ACP7: variants seen among roughly 807,000 people sequenced by gnomAD.
The protein encoded by ACP7 is acid phosphatase type 7.
A neutral mutation model predicts 60.6 loss-of-function variants in ACP7; 58 were observed. The ratio of observed to expected loss-of-function variants is 0.96; its 90% CI spans 0.77 to 1.19. The LOEUF is 1.19. Ranked by LOEUF, ACP7 falls within the 50% of genes most tolerant of loss-of-function variation. The pLI is 0.00. For synonymous variants in ACP7, 237 were observed against 232.6 expected (o/e 1.02, Z -0.17); for missense variants, 574 against 596.2 (o/e 0.96, Z 0.39).
At position 39,098,506 on chromosome 19, in the gene ACP7, G is replaced by C; in HGVS notation, c.170G>C (p.Arg57Pro). Residue 57 changes from arginine (R) to proline (P), a missense_variant, in exon 3 of 13, where the codon CGC becomes CCC. Arg to Pro is a moderately radical substitution (Grantham distance 103). Coordinates refer to ENST00000331256, the MANE Select transcript of ACP7 (RefSeq NM_001004318.3). ...TVTWTTWVPT[R>P]SEVQFGLQPS... ...ACTTGGACCACATGGGTCCCAACCCGCTCTGAAGTGCAATTCGGGTTGCAG... is the reference window on the plus strand; with the variant it reads ...ACTTGGACCACATGGGTCCCAACCCCCTCTGAAGTGCAATTCGGGTTGCAG... The C allele has an allele frequency of 6.2e-7, 1 of 1,602,396 alleles. No individual in the cohort carries two copies. Among genetic ancestry groups the C allele is most frequent in the Non-Finnish European group, 8.5e-7 (1 of 1,174,460 alleles).
Position 39,085,290 on chromosome 19 carries a change from C to T in ACP7, c.21C>T (p.Tyr7=), listed in dbSNP as rs757904667. ...CCACCATGCACCCCCTTCCTGGCTACTGGTCCTGTTACTGTCTACTCCTGC... is the reference window on the plus strand; with the variant it reads ...CCACCATGCACCCCCTTCCTGGCTATTGGTCCTGTTACTGTCTACTCCTGC... MHPLPG[Y]WSCYCLLLLF... The change falls in exon 2 of 13, where the codon TAC becomes TAT. Residue 7 remains tyrosine, a synonymous_variant. Transcript: ENST00000331256. 8 of 1,613,580 alleles carry T rather than the reference C, an allele frequency of 5.0e-6. No individual in the cohort carries two copies.
intron 2 of ACP7, among the ~76,000 whole-genome samples, chr19:39,089,120 G>A (rs2073176434): frequency 1.3e-5 from 2 of 151,954 alleles, no homozygotes; most frequent in Non-Finnish European, 2.9e-5. Context: ...GTAGGGACGG[G>A]GTTTCACCGT....
rs769721019 is a variant in ACP7, at chr19:39,098,577, T to C, written c.241T>C (p.Phe81Leu). ...PLRAQGTFVP[F>L]VDGGILRRKL... is the part of the protein sequence containing the mutation. ...CCGCGCCCAGGGCACCTTCGTCCCC[T>C]TTGTGGACGGGGGCATTCTCCGGCG... The change falls in exon 3 of 13, where the codon TTT (phenylalanine) becomes CTT (leucine). Residue 81 changes from phenylalanine (F) to leucine (L), a missense_variant. Transcript: ENST00000331256. 8.1e-6 allele frequency: 13 copies of C among 1,613,410 alleles called. No homozygotes were observed. The highest frequency in any genetic ancestry group is 1.1e-5 in the Non-Finnish European group (13 of 1,179,768).
In ACP7 at chr19:39,098,535, T is replaced by C. The variant is rs2073297219; in HGVS notation, c.199T>C (p.Ser67Pro). The change falls in exon 3 of 13, where the codon TCG (serine) becomes CCG (proline). Residue 67 changes from serine (S) to proline (P), a missense_variant. Transcript: ENST00000331256. ...RSEVQFGLQP[S>P]GPLPLRAQGT... is the part of the protein sequence containing the mutation. The stretch of plus-strand genomic sequence containing the variant: ...TGAAGTGCAATTCGGGTTGCAGCCG[T>C]CGGGGCCCCTGCCCCTCCGCGCCCA... 1 of 1,611,946 alleles carries C rather than the reference T, an allele frequency of 6.2e-7. No individual in the cohort carries two copies. The highest frequency in any genetic ancestry group is 8.5e-7 in the Non-Finnish European group (1 of 1,179,294).
intron 2 of ACP7, among the ~76,000 whole-genome samples, chr19:39,094,710 C>T (rs950664213): frequency 2.0e-5 from 3 of 151,902 alleles, no homozygotes; most frequent in South Asian, 2.1e-4. Context: ...GCCTGTGGTC[C>T]GAGCTACTCA....
Position 39,103,441 on chromosome 19 carries a change from G to GTGTTTTTTTTTTTT in ACP7, c.1113+1905_1113+1906insGTTTTTTTTTTTTT, listed in dbSNP as rs1230916229. On this transcript the variant is annotated intron_variant, in intron 11 of 12. Coordinates refer to ENST00000331256, the MANE Select transcript of ACP7 (RefSeq NM_001004318.3). ...TCAAAACATTCCAGGATCATCATGT[G>GTGTTTTTTTTTTTT]TTTTTTTTTTTTTTTTTTTTTTTTT... Among the ~76,000 whole-genome samples the GTGTTTTTTTTTTTT allele has an allele frequency of 9.3e-5, 6 of 64,690 alleles. 1 individual carries two copies. Among genetic ancestry groups the GTGTTTTTTTTTTTT allele is most frequent in the Non-Finnish European group, 1.3e-4 (5 of 37,220 alleles). The allele number at this position is 64,690 out of a possible 152,430, so 42.4% of individuals were successfully genotyped here.
Position 39,111,433 on chromosome 19 carries a change from C to A in ACP7, c.*1315C>A, listed in dbSNP as rs1250773822. 6.6e-6 allele frequency: 1 copy of A among 151,994 alleles called. No individual in the cohort carries two copies. Among genetic ancestry groups the A allele is most frequent in the African/African-American group, 2.4e-5 (1 of 41,362 alleles). 9.4% of individuals were successfully genotyped at this position (151,994 alleles called of 1,614,324 possible). On this transcript the variant is annotated 3_prime_UTR_variant, in exon 13 of 13. Transcript: ENST00000331256. ...CCCAGCCTGGGCAACAGAGCAAGAC[C>A]CTGTCTCAAAAAATATATATAAATA...
intron 9 of ACP7, 36 bp downstream of exon 9, chr19:39,101,243 C>G (rs1218815176): frequency 6.2e-7 from 1 of 1,614,092 alleles, no homozygotes; most frequent in Non-Finnish European, 8.5e-7. Context: ...CCACACCCCA[C>G]CTCTCCCCAA....
chr19:39,085,485 A>T, intron 2 of ACP7, 95 bp downstream of exon 2: 1 of 1,461,052 alleles, frequency 6.8e-7, no homozygotes, highest in East Asian at 2.4e-5. Context: ...GTGAGCCCCT[A>T]GGCGGGTGGC....
Position 39,101,333 on chromosome 19 carries a change from T to C in ACP7, c.1019T>C (p.Leu340Pro). ...GCTCATGAGCACTCGTATGAACGAC[T>C]GTGGCCAATTTACAACTACCAGGTG... is the stretch of plus-strand genomic sequence containing the variant. ...LWAHEHSYER[L>P]WPIYNYQVFN... The change falls in exon 10 of 13, where the codon CTG becomes CCG. Residue 340 changes from leucine (L) to proline (P), a missense_variant. Leu to Pro is a moderately conservative substitution (Grantham distance 98). Coordinates refer to ENST00000331256, the MANE Select transcript of ACP7 (RefSeq NM_001004318.3). 1 of 1,614,152 alleles carries C rather than the reference T, an allele frequency of 6.2e-7. No individual in the cohort carries two copies. Among genetic ancestry groups the C allele is most frequent in the Non-Finnish European group, 8.5e-7 (1 of 1,180,034 alleles).
intron 2 of ACP7, among the ~76,000 whole-genome samples, chr19:39,090,697 G>C (rs2073193822): frequency 6.6e-6 from 1 of 151,364 alleles, no homozygotes; most frequent in South Asian, 2.1e-4. Context: ...GCCCAGGCTG[G>C]TCTGGAACTC....
intron 11 of ACP7, among the ~76,000 whole-genome samples, chr19:39,105,916 G>A (rs1255230913): frequency 6.6e-6 from 1 of 152,120 alleles, no homozygotes; most frequent in African/African-American, 2.4e-5. Flanking sequence ...CTTGGTTAGG[G>A]AGGTATCAGC....
intron 2 of ACP7, among the ~76,000 whole-genome samples, chr19:39,086,359 G>T (rs916643746): frequency 2.6e-5 from 4 of 152,048 alleles, no homozygotes; most frequent in Non-Finnish European, 5.9e-5. Context: ...GCCAGGCACA[G>T]TGGTGCATGC....
rs761860500 is a variant in ACP7 at position 39,110,027 on chromosome 19, A to T, written c.1252-26A>T. 1.1e-5 allele frequency: 17 copies of T among 1,605,708 alleles called. No homozygotes were observed. In the African/African-American group the frequency reaches 2.3e-4, roughly 21 times the overall value. ...AGAGTTCAGGCTTTCAGCTCTAACT[A>T]CTGTCCCTGTTTTTGTCCCTCACAG... On this transcript the variant is annotated intron_variant, in intron 12 of 12. Transcript: ENST00000331256.
Position 39,100,964 on chromosome 19 carries a change from C to T in ACP7, c.823C>T (p.Arg275Trp), listed in dbSNP as rs767440775. The T allele has an allele frequency of 1.1e-5, 17 of 1,613,448 alleles. No individual in the cohort carries two copies. The highest frequency in any genetic ancestry group is 2.7e-5 in the African/African-American group (2 of 74,850). ...ESDLQKANKN[R>W]AARPWIITMG... ...TTCTCCCTAGAAAGCCAATAAGAAC[C>T]GGGCAGCCCGGCCGTGGATCATCAC... Residue 275 changes from arginine (R) to tryptophan (W), a missense_variant, in exon 8 of 13, where the codon CGG (arginine) becomes TGG (tryptophan). Transcript: ENST00000331256.
chr19:39,087,535 C>T (rs568958897), intron 2 of ACP7, among the ~76,000 whole-genome samples: 14 of 151,952 alleles, frequency 9.2e-5, no homozygotes, highest in African/African-American at 3.1e-4. Flanking sequence ...AAACATGGCT[C>T]ACTGCAACCT....
intron 3 of ACP7, 72 bp from the exon 4 acceptor site, chr19:39,098,888 G>C: frequency 9.7e-7 from 1 of 1,029,416 alleles, no homozygotes; most frequent in Non-Finnish European, 1.4e-6. Flanking sequence ...TCCACCAGTC[G>C]GGGAAGGATG....
chr19:39,097,627 G>A (rs2073282118), intron 2 of ACP7, among the ~76,000 whole-genome samples: 1 of 151,058 alleles, frequency 6.6e-6, no homozygotes, highest in South Asian at 2.1e-4. Context: ...TGCTTGCTTT[G>A]TGGCTATTGC....
At chr19:39,106,798 A>T in intron 11 of ACP7, 149 bp from the exon 12 acceptor site, 1 of 870,548 alleles carries the variant, frequency 1.1e-6, no homozygotes, top group Non-Finnish European at 1.7e-6. Context: ...TGCTGGAATT[A>T]CAGGCATGAG....
Sources: gnomAD v4.1 joint callset for allele counts (sites outside exome capture counted in the v4.1 genomes callset) on GRCh38, gnomAD v4.1.1 for gene constraint, MANE v1.5 for transcripts, NCBI Gene and HGNC (gene_info 2026-07-23, HGNC 2026-07-21) for gene names.